Variants in PDLIM5 observed in about 807,000 individuals in gnomAD.
PDLIM5 encodes PDZ and LIM domain 5.
In PDLIM5, 34 loss-of-function variants were observed where a neutral mutation model predicts 64.2. That is an observed-to-expected ratio of 0.53 (90% confidence interval 0.40 to 0.71). The LOEUF (loss-of-function observed/expected upper bound fraction) is 0.71. PDLIM5 is among the 30% of genes least tolerant of loss of function. The probability of loss-of-function intolerance (pLI) is 0.00; values close to 1 mark genes in which losing one functional copy is unlikely to be tolerated. For synonymous variants in PDLIM5, 253 were observed against 269.1 expected (o/e 0.94, Z 0.59); for missense variants, 683 against 733.6 (o/e 0.93, Z 0.80).
At chr4:94,649,631 A>G (rs373854465) in intron 9 of PDLIM5, among the ~76,000 whole-genome samples, 1 of 152,344 alleles carries the variant, frequency 6.6e-6, no homozygotes, top group East Asian at 1.9e-4. Context: ...TGTTTCTAGA[A>G]CAGTGCCTAG....
chr4:94,659,337 C>T (rs1425848850), intron 11 of PDLIM5, among the ~76,000 whole-genome samples: 3 of 152,124 alleles, frequency 2.0e-5, no homozygotes, highest in Admixed American at 1.3e-4. Context: ...TATTTCTCTC[C>T]ATCTCCACTA....
intron 8 of PDLIM5, among the ~76,000 whole-genome samples, chr4:94,621,852 C>T (rs72880407): frequency 0.054 from 8,146 of 151,976 alleles, 731 homozygotes; most frequent in African/African-American, 0.18. Context: ...AGCAAAACTA[C>T]AATATAAAAC....
intron 2 of PDLIM5, among the ~76,000 whole-genome samples, chr4:94,459,399 G>T (rs1219600759): frequency 6.6e-6 from 1 of 152,192 alleles, no homozygotes; most frequent in Non-Finnish European, 1.5e-5. Flanking sequence ...AGAGTTAGGG[G>T]AGGATAAATT....
chr4:94,505,590 G>C (rs1728320738), intron 2 of PDLIM5, among the ~76,000 whole-genome samples: 1 of 152,110 alleles, frequency 6.6e-6, no homozygotes, highest in Admixed American at 6.6e-5. Context: ...TGATCAACTG[G>C]CTATAAATTG....
chr4:94,490,429 C>A (rs1726766720), intron 2 of PDLIM5, among the ~76,000 whole-genome samples: 1 of 151,908 alleles, frequency 6.6e-6, no homozygotes, highest in Non-Finnish European at 1.5e-5. Flanking sequence ...AATTATATTC[C>A]ATACACTATG....
Position 94,619,735 on chromosome 4 carries a change from A to G in PDLIM5, c.1108+1544A>G, listed in dbSNP as rs541243503. 1.6e-4 allele frequency among the ~76,000 whole-genome samples: 25 copies of G among 152,180 alleles called. No individual in the cohort carries two copies. In the South Asian group the frequency reaches 4.2e-3, roughly 25 times the overall value. ...ATAGCTCACTGTAGCCTCAACCTCC[A>G]AGGTTCAAGTGATCATGCCACTTCA... On this transcript the variant is annotated intron_variant, in intron 8 of 12. Transcript: ENST00000317968.
intron 3 of PDLIM5, among the ~76,000 whole-genome samples, chr4:94,532,362 G>C (rs532661554): frequency 6.6e-6 from 1 of 152,030 alleles, no homozygotes; most frequent in African/African-American, 2.4e-5. Flanking sequence ...TGGGGAAGAA[G>C]AGAGAAGAAG....
At chr4:94,500,103 C>T (rs1186265364) in intron 2 of PDLIM5, among the ~76,000 whole-genome samples, 1 of 152,146 alleles carries the variant, frequency 6.6e-6, no homozygotes, top group Non-Finnish European at 1.5e-5. Context: ...CATGACCATA[C>T]TTTTCATATA....
intron 3 of PDLIM5, among the ~76,000 whole-genome samples, chr4:94,548,800 G>A (rs1048210705): frequency 2.6e-5 from 4 of 152,080 alleles, no homozygotes; most frequent in African/African-American, 9.7e-5. Flanking sequence ...CTGCTATGTA[G>A]TTACCTTGCC....
At chr4:94,626,920 TA>T (rs913021244) in intron 8 of PDLIM5, among the ~76,000 whole-genome samples, 7 of 152,244 alleles carry the variant, frequency 4.6e-5, no homozygotes, top group Non-Finnish European at 7.4e-5. Context: ...CTAAGGGAGA[TA>T]GGGGTGAGAA....
chr4:94,653,155 A>G (rs907428942), intron 9 of PDLIM5, among the ~76,000 whole-genome samples: 2 of 152,116 alleles, frequency 1.3e-5, no homozygotes, highest in African/African-American at 2.4e-5. Context: ...ATGAGGTCAA[A>G]GGCAGAATAT....
chr4:94,625,664 A>G (rs2110418654), intron 8 of PDLIM5, among the ~76,000 whole-genome samples: 1 of 152,176 alleles, frequency 6.6e-6, no homozygotes, highest in East Asian at 1.9e-4. Context: ...CGTGTTAGCC[A>G]GGATGGTCTC....
intron 2 of PDLIM5, among the ~76,000 whole-genome samples, chr4:94,462,220 A>G (rs1349491320): frequency 6.6e-6 from 1 of 152,194 alleles, no homozygotes; most frequent in African/African-American, 2.4e-5. Flanking sequence ...ACACGAGCGT[A>G]TAGGGGGAAA....
chr4:94,655,324 T>C (rs1742130827), intron 10 of PDLIM5, among the ~76,000 whole-genome samples: 1 of 152,132 alleles, frequency 6.6e-6, no homozygotes, highest in Non-Finnish European at 1.5e-5. Flanking sequence ...TCAGGCATAC[T>C]TTATGGTGAC....
At position 94,665,604 on chromosome 4, in the gene PDLIM5, A is replaced by G. The variant is rs1263285995; in HGVS notation, c.*1537A>G. On this transcript the variant is annotated 3_prime_UTR_variant, in exon 13 of 13. Coordinates refer to ENST00000317968, the MANE Select transcript of PDLIM5 (RefSeq NM_006457.5). ...TTTCAATCCCCTTTTCTCAAATAAT[A>G]AATTAGTTAAATCAGTTTCTGAGTT... is the stretch of plus-strand genomic sequence containing the variant. 2.0e-6 allele frequency: 2 copies of G among 988,216 alleles called. No individual in the cohort carries two copies. The highest frequency in any genetic ancestry group is 1.7e-5 in the African/African-American group (1 of 57,512). The allele number at this position is 988,216 out of a possible 1,614,324, so 61.2% of individuals were successfully genotyped here.
At chr4:94,646,727 A>G (rs963352883) in intron 9 of PDLIM5, among the ~76,000 whole-genome samples, 2 of 152,204 alleles carry the variant, frequency 1.3e-5, no homozygotes, top group Non-Finnish European at 2.9e-5. Flanking sequence ...AATATTTTGT[A>G]CAACAAATGT....
At chr4:94,534,524 G>A (rs774722950) in intron 3 of PDLIM5, among the ~76,000 whole-genome samples, 71 of 152,210 alleles carry the variant, frequency 4.7e-4, no homozygotes, top group Non-Finnish European at 8.2e-4. Flanking sequence ...TATTGAGATC[G>A]GGAGAGATAG....
chr4:94,631,132 GC>G (rs938641733), intron 8 of PDLIM5, among the ~76,000 whole-genome samples: 20 of 149,388 alleles, frequency 1.3e-4, no homozygotes, highest in Non-Finnish European at 2.2e-4. Context: ...CAAACTCCTA[GC>G]CTCAAGTGAG....
At chr4:94,475,777 A>G (rs893583677) in intron 2 of PDLIM5, among the ~76,000 whole-genome samples, 12 of 152,196 alleles carry the variant, frequency 7.9e-5, no homozygotes, top group Non-Finnish European at 1.2e-4. Flanking sequence ...AAAAAATAGG[A>G]GAAAAAATAG....
Sources: gnomAD v4.1 joint callset for allele counts (sites outside exome capture counted in the v4.1 genomes callset) on GRCh38, gnomAD v4.1.1 for gene constraint, MANE v1.5 for transcripts, NCBI Gene and HGNC (gene_info 2026-07-23, HGNC 2026-07-21) for gene names.